The following CABLES1 variants were observed in gnomAD, a reference collection of about 807,000 sequenced individuals.
CABLES1 encodes CDK5 and ABL1 enzyme substrate 1.
CABLES1 carries 36 observed loss-of-function variants against 57.8 expected under a neutral mutation model. The ratio of observed to expected loss-of-function variants is 0.62; its 90% CI spans 0.48 to 0.82. The LOEUF (loss-of-function observed/expected upper bound fraction) is 0.82. Ranked by LOEUF, CABLES1 falls within the 40% of genes least tolerant of loss-of-function variation. CABLES1 has a pLI of 0.00. For synonymous variants in CABLES1, 374 were observed against 363.0 expected, an observed-to-expected ratio of 1.03 and a Z score of -0.35; for missense variants, 767 against 836.6, an observed-to-expected ratio of 0.92 and a Z score of 1.03.
At chr18:23,143,835 C>T (rs970205626) in intron 1 of CABLES1, among the ~76,000 whole-genome samples, 4 of 152,180 alleles carry the variant, frequency 2.6e-5, no homozygotes, top group Admixed American at 2.0e-4. Flanking sequence ...TCCCTCCCCC[C>T]CTGGGCTGTC....
chr18:23,186,600 T>G (rs776900621), intron 1 of CABLES1, among the ~76,000 whole-genome samples: 31 of 152,000 alleles, frequency 2.0e-4, no homozygotes, highest in Non-Finnish European at 3.8e-4. Context: ...TAATTTTGTA[T>G]TTTCAGTAGA....
At chr18:23,180,463 A>C (rs2047157275) in intron 1 of CABLES1, among the ~76,000 whole-genome samples, 1 of 151,896 alleles carries the variant, frequency 6.6e-6, no homozygotes, top group South Asian at 2.1e-4. Flanking sequence ...GTATTTGAAA[A>C]CCAGCATTTC....
intron 4 of CABLES1, among the ~76,000 whole-genome samples, chr18:23,229,016 A>G (rs1443653248): frequency 6.6e-6 from 1 of 152,226 alleles, no homozygotes; most frequent in African/African-American, 2.4e-5. Flanking sequence ...ACCTCTGAGT[A>G]AAAGCTGCAA....
intron 1 of CABLES1, among the ~76,000 whole-genome samples, chr18:23,147,731 G>A (rs1397780184): frequency 6.6e-6 from 1 of 152,174 alleles, no homozygotes; most frequent in Non-Finnish European, 1.5e-5. Flanking sequence ...AAGCAAGGTA[G>A]GGGGAATTCA....
At chr18:23,166,458 C>T (rs2047043349) in intron 1 of CABLES1, among the ~76,000 whole-genome samples, 1 of 152,206 alleles carries the variant, frequency 6.6e-6, no homozygotes, top group Non-Finnish European at 1.5e-5. Flanking sequence ...CCACCTTGGC[C>T]TCCCAAAGTG....
intron 1 of CABLES1, among the ~76,000 whole-genome samples, chr18:23,139,185 T>A (rs1203151033): frequency 1.3e-5 from 2 of 152,056 alleles, no homozygotes; most frequent in Admixed American, 6.6e-5. Context: ...GTGGATCACC[T>A]GAGGTCAGGA....
At chr18:23,199,852 T>C (rs1431106341) in intron 3 of CABLES1, among the ~76,000 whole-genome samples, 1 of 152,162 alleles carries the variant, frequency 6.6e-6, no homozygotes, top group African/African-American at 2.4e-5. Context: ...TGTGTATATA[T>C]TTTTTCCCAC....
At chr18:23,181,267 G>A (rs1330102432) in intron 1 of CABLES1, among the ~76,000 whole-genome samples, 1 of 152,062 alleles carries the variant, frequency 6.6e-6, no homozygotes, top group African/African-American at 2.4e-5. Flanking sequence ...GCCTCGGCGG[G>A]TGGATCACCT....
At chr18:23,140,581 C>T (rs528739285) in intron 1 of CABLES1, among the ~76,000 whole-genome samples, 120 of 152,124 alleles carry the variant, frequency 7.9e-4, no homozygotes, top group Non-Finnish European at 1.5e-3. Context: ...GGACTACAGG[C>T]GTGCGCCACC....
At chr18:23,202,941 C>T (rs1383082320) in intron 3 of CABLES1, among the ~76,000 whole-genome samples, 1 of 150,042 alleles carries the variant, frequency 6.7e-6, no homozygotes, top group Admixed American at 6.7e-5. Context: ...GAGCCGAGAT[C>T]GCACCTCTGC....
intron 1 of CABLES1, among the ~76,000 whole-genome samples, chr18:23,181,322 C>G (rs968262002): frequency 6.0e-5 from 9 of 150,934 alleles, no homozygotes; most frequent in African/African-American, 2.0e-4. Context: ...GGTGAAACCC[C>G]ATCTCTACTA....
intron 1 of CABLES1, among the ~76,000 whole-genome samples, chr18:23,163,193 T>TGGA (rs1167088094): frequency 6.6e-6 from 1 of 151,696 alleles, no homozygotes; most frequent in African/African-American, 2.4e-5. Flanking sequence ...TGGCTTAATA[T>TGGA]GGAGGAGGAG....
intron 1 of CABLES1, among the ~76,000 whole-genome samples, chr18:23,177,866 T>C (rs2047136110): frequency 6.6e-6 from 1 of 152,156 alleles, no homozygotes; most frequent in South Asian, 2.1e-4. Flanking sequence ...CCTTAAACCA[T>C]GGGACCAGGT....
intron 7 of CABLES1, among the ~76,000 whole-genome samples, chr18:23,237,544 C>T (rs2047633880): frequency 6.6e-6 from 1 of 152,232 alleles, no homozygotes; most frequent in Non-Finnish European, 1.5e-5. Context: ...CACAAACCCC[C>T]GTGGAGAGGA....
intron 1 of CABLES1, among the ~76,000 whole-genome samples, chr18:23,179,160 C>T (rs9966017): frequency 0.017 from 2,543 of 152,014 alleles, 66 homozygotes; most frequent in African/African-American, 0.058. Flanking sequence ...GTGGCGGGTC[C>T]CTGTAATCCC....
chr18:23,228,323 G>A (rs1475216674), intron 4 of CABLES1, among the ~76,000 whole-genome samples: 2 of 152,162 alleles, frequency 1.3e-5, no homozygotes, highest in Non-Finnish European at 2.9e-5. Context: ...GAAGTCCAGA[G>A]TCGGCCGTTT....
intron 1 of CABLES1, among the ~76,000 whole-genome samples, chr18:23,152,071 C>A (rs2046934611): frequency 6.6e-6 from 1 of 152,100 alleles, no homozygotes; most frequent in African/African-American, 2.4e-5. Flanking sequence ...ATCTCTGAGA[C>A]AGGAGTATTA....
chr18:23,224,292 C>T (rs928018106), intron 4 of CABLES1, among the ~76,000 whole-genome samples: 8 of 151,978 alleles, frequency 5.3e-5, no homozygotes, highest in Non-Finnish European at 1.2e-4. Flanking sequence ...TTAGGAAAAC[C>T]ACAGCCCTTA....
chr18:23,182,900 G>T (rs546640659), intron 1 of CABLES1, among the ~76,000 whole-genome samples: 1 of 152,210 alleles, frequency 6.6e-6, no homozygotes, highest in East Asian at 1.9e-4. Flanking sequence ...GTCTCTCAGC[G>T]CTTTCTTCAG....
Sources: gnomAD v4.1 joint callset for allele counts (sites outside exome capture counted in the v4.1 genomes callset) on GRCh38, gnomAD v4.1.1 for gene constraint, MANE v1.5 for transcripts, NCBI Gene and HGNC (gene_info 2026-07-23, HGNC 2026-07-21) for gene names.